HECW1: variants seen among roughly 807,000 people sequenced by gnomAD.
HECW1 encodes E3 ubiquitin-protein ligase HECW1.
A neutral mutation model predicts 182.3 loss-of-function variants in HECW1; 61 were observed. The ratio of observed to expected loss-of-function variants is 0.33; its 90% confidence interval spans 0.27 to 0.41. HECW1 has a LOEUF of 0.41. Among genes scored for constraint, HECW1 ranks in the 10% least tolerant of loss-of-function variants. The pLI is 1.00. For synonymous variants in HECW1, 859 were observed against 832.6 expected, an observed-to-expected ratio of 1.03 and a Z score of -0.55; for missense variants, 1,739 against 2,108.9, an observed-to-expected ratio of 0.82 and a Z score of 3.44.
At chr7:43,208,150 T>TCATGTTTC (rs1245732243) in intron 2 of HECW1, among the ~76,000 whole-genome samples, 4 of 152,200 alleles carry the variant, frequency 2.6e-5, no homozygotes, top group African/African-American at 9.6e-5. Context: ...ATTGAAACCC[T>TCATGTTTC]CATATTTTCC....
Position 43,251,912 on chromosome 7 carries a change from G to A in HECW1, c.27+7980G>A, listed in dbSNP as rs139747580. The stretch of plus-strand genomic sequence containing the variant: ...AGGTAGGTGTAGAAATTCAGCAATC[G>A]CAAGAGGCAGTGTCATTCATCCAAG... On this transcript the variant is annotated intron_variant, in intron 3 of 29. Coordinates refer to ENST00000395891, the MANE Select transcript of HECW1 (RefSeq NM_015052.5). Among the ~76,000 whole-genome samples, 724 of 152,192 alleles carry A rather than the reference G, an allele frequency of 4.8e-3. 2 individuals carry two copies. Among genetic ancestry groups the A allele is most frequent in the Middle Eastern group, 0.041 (12 of 294 alleles).
intron 2 of HECW1, among the ~76,000 whole-genome samples, chr7:43,202,807 GA>G (rs1429303398): frequency 6.6e-6 from 1 of 152,158 alleles, no homozygotes; most frequent in Non-Finnish European, 1.5e-5. Flanking sequence ...CGAAAGAAGT[GA>G]AAATGGCTGA....
At chr7:43,319,794 G>A (rs1298347475) in intron 4 of HECW1, among the ~76,000 whole-genome samples, 1 of 56,300 alleles carries the variant, frequency 1.8e-5, no homozygotes, top group East Asian at 6.6e-4. Flanking sequence ...TTTTTTTTTG[G>A]TAGAGACAAT....
At chr7:43,389,114 CG>C (rs1465983974) in intron 6 of HECW1, among the ~76,000 whole-genome samples, 1 of 152,138 alleles carries the variant, frequency 6.6e-6, no homozygotes, top group Non-Finnish European at 1.5e-5. Flanking sequence ...CTAATTCTCA[CG>C]CAAGTCAGGG....
chr7:43,218,223 C>T (rs143327577), intron 2 of HECW1, among the ~76,000 whole-genome samples: 4 of 152,272 alleles, frequency 2.6e-5, no homozygotes, highest in South Asian at 2.1e-4. Context: ...ATTTAGATCA[C>T]GGATTGAATT....
intron 5 of HECW1, among the ~76,000 whole-genome samples, chr7:43,349,510 A>C (rs974204565): frequency 6.6e-6 from 1 of 152,158 alleles, no homozygotes; most frequent in Non-Finnish European, 1.5e-5. Context: ...TAGGTCTATT[A>C]GTAATTGTTT....
intron 2 of HECW1, among the ~76,000 whole-genome samples, chr7:43,206,843 G>C (rs1795524009): frequency 6.6e-6 from 1 of 152,144 alleles, no homozygotes; most frequent in Admixed American, 6.5e-5. Context: ...TAATCTTTAA[G>C]CTATTTAGAA....
intron 4 of HECW1, among the ~76,000 whole-genome samples, chr7:43,314,505 G>A (rs1584445691): frequency 6.7e-6 from 1 of 150,286 alleles, no homozygotes; most frequent in East Asian, 2.0e-4. Flanking sequence ...AGACTAGAGA[G>A]AACAAAGAAG....
At chr7:43,216,308 G>C (rs1035811510) in intron 2 of HECW1, among the ~76,000 whole-genome samples, 1 of 151,980 alleles carries the variant, frequency 6.6e-6, no homozygotes, top group Non-Finnish European at 1.5e-5. Flanking sequence ...ACCATGCCCA[G>C]CTAAGTTTTG....
intron 26 of HECW1, among the ~76,000 whole-genome samples, 174 bp from the exon 27 acceptor site, chr7:43,550,271 C>A (rs2081752503): frequency 6.6e-6 from 1 of 152,156 alleles, no homozygotes; most frequent in African/African-American, 2.4e-5. Context: ...CTGCTTAGAA[C>A]AGCCAGAGCT....
chr7:43,125,064 C>T (rs2152610114), intron 2 of HECW1, among the ~76,000 whole-genome samples: 1 of 152,196 alleles, frequency 6.6e-6, no homozygotes. Flanking sequence ...CTGTAAGAGC[C>T]CCCTTCTGGG....
At chr7:43,471,501 T>A (rs2078022680) in intron 16 of HECW1, among the ~76,000 whole-genome samples, 1 of 152,204 alleles carries the variant, frequency 6.6e-6, no homozygotes, top group African/African-American at 2.4e-5. Flanking sequence ...CTGTTTGGTG[T>A]CTTTGAATGC....
intron 2 of HECW1, among the ~76,000 whole-genome samples, chr7:43,223,017 A>G (rs1404526064): frequency 6.6e-6 from 1 of 152,200 alleles, no homozygotes; most frequent in Non-Finnish European, 1.5e-5. Flanking sequence ...GTCCGAAACC[A>G]AACTCTTGTT....
chr7:43,270,806 G>A (rs1248401740), intron 3 of HECW1, among the ~76,000 whole-genome samples: 1 of 152,160 alleles, frequency 6.6e-6, no homozygotes, highest in Non-Finnish European at 1.5e-5. Flanking sequence ...AAGTATGGTA[G>A]ATATCAATAG....
intron 5 of HECW1, among the ~76,000 whole-genome samples, chr7:43,340,646 T>C (rs35656366): frequency 0.2 from 30,293 of 151,626 alleles, 3,775 homozygotes; most frequent in Non-Finnish European, 0.27. Context: ...GAATTTAGAA[T>C]TGGCCCCCTG....
In HECW1 at chr7:43,562,857, T is replaced by C. The variant is rs145837806; in HGVS notation, c.*931T>C. 298 of 217,902 alleles carry C rather than the reference T, an allele frequency of 1.4e-3. 1 individual carries two copies. Among genetic ancestry groups the C allele is most frequent in the Non-Finnish European group, 2.2e-3 (238 of 108,400 alleles). The allele number at this position is 217,902 out of a possible 1,614,324, so 13.5% of individuals were successfully genotyped here. A position where few individuals can be genotyped will look rare whatever the true frequency, so the allele number is the denominator to read the frequency against. ...TACCTTGGTTTGAATCCCTGAGTTC[T>C]GTACTGTTCTGTTTTGTTTAGTCTA... On this transcript the variant is annotated 3_prime_UTR_variant, in exon 30 of 30. Transcript: ENST00000395891.
chr7:43,278,135 A>T (rs1488866097), intron 3 of HECW1, among the ~76,000 whole-genome samples: 1 of 151,928 alleles, frequency 6.6e-6, no homozygotes. Context: ...GTTCCCCTGA[A>T]TATTCAGCTC....
intron 2 of HECW1, among the ~76,000 whole-genome samples, chr7:43,170,920 G>A (rs1181510142): frequency 2.0e-5 from 3 of 152,154 alleles, no homozygotes; most frequent in South Asian, 2.1e-4. Context: ...AAAGAAAAAC[G>A]TTTGTGCAAA....
At chr7:43,362,824 GCCAACACA>G (rs938187472) in intron 6 of HECW1, among the ~76,000 whole-genome samples, 34 of 152,216 alleles carry the variant, frequency 2.2e-4, no homozygotes, top group Admixed American at 2.2e-3. Flanking sequence ...CTGGCCTCTT[GCCAACACA>G]CAGCAGTTCA....
Sources: allele counts gnomAD v4.1 joint callset (sites outside exome capture counted in the v4.1 genomes callset), GRCh38; gene constraint gnomAD v4.1.1; transcripts MANE v1.5; gene names NCBI Gene and HGNC (gene_info 2026-07-23, HGNC 2026-07-21).